The following LEF1 variants were observed in gnomAD, a reference collection of about 807,000 sequenced individuals.
LEF1 encodes lymphoid enhancer binding factor 1, also known as lymphoid enhancer-binding factor 1.
A neutral mutation model predicts 51.2 loss-of-function variants in LEF1; 14 were observed. That is an observed-to-expected ratio of 0.27 (90% CI 0.18 to 0.43). The LOEUF (loss-of-function observed/expected upper bound fraction) is 0.43. Ranked by LOEUF, LEF1 falls within the 20% of genes least tolerant of loss-of-function variation. The pLI is 1.00. For synonymous variants in LEF1, 185 were observed against 183.2 expected, an observed-to-expected ratio of 1.01 and a Z score of -0.08; for missense variants, 386 against 512.0, an observed-to-expected ratio of 0.75 and a Z score of 2.37.
chr4:108,096,583 A>G (rs1418210866), intron 3 of LEF1, among the ~76,000 whole-genome samples: 1 of 152,202 alleles, frequency 6.6e-6, no homozygotes, highest in Non-Finnish European at 1.5e-5. Context: ...AAGCAAATGG[A>G]CAAATGGGAT....
intron 11 of LEF1, among the ~76,000 whole-genome samples, chr4:108,049,223 G>A (rs1247044615): frequency 2.6e-5 from 4 of 152,114 alleles, no homozygotes; most frequent in Admixed American, 6.6e-5. Flanking sequence ...CTCCCGTGAC[G>A]CTATGTGCTC....
At chr4:108,152,126 A>C (rs1744391717) in intron 3 of LEF1, among the ~76,000 whole-genome samples, 1 of 152,184 alleles carries the variant, frequency 6.6e-6, no homozygotes, top group Non-Finnish European at 1.5e-5. Context: ...GAGAGTAGTC[A>C]CTCTTGACTG....
At chr4:108,091,866 G>A (rs1480137496) in intron 3 of LEF1, among the ~76,000 whole-genome samples, 2 of 152,142 alleles carry the variant, frequency 1.3e-5, no homozygotes, top group African/African-American at 4.8e-5. Flanking sequence ...AAAATCGATA[G>A]ATTTCAAATA....
chr4:108,106,416 A>C (rs1741170988), intron 3 of LEF1, among the ~76,000 whole-genome samples: 1 of 152,146 alleles, frequency 6.6e-6, no homozygotes, highest in Non-Finnish European at 1.5e-5. Context: ...GGGAAAGGCC[A>C]GGAGAAAGAG....
At chr4:108,119,549 T>C (rs549528364) in intron 3 of LEF1, among the ~76,000 whole-genome samples, 1 of 152,284 alleles carries the variant, frequency 6.6e-6, no homozygotes, top group African/African-American at 2.4e-5. Context: ...AGTCCCACTG[T>C]AAGGCAAAAG....
At chr4:108,067,480 C>G (rs1006836241) in intron 9 of LEF1, among the ~76,000 whole-genome samples, 3 of 151,772 alleles carry the variant, frequency 2.0e-5, no homozygotes, top group South Asian at 4.1e-4. Flanking sequence ...ATTAGCTCTC[C>G]CCCTTTAGAC....
chr4:108,141,388 G>C (rs1015284813), intron 3 of LEF1, among the ~76,000 whole-genome samples: 1 of 151,590 alleles, frequency 6.6e-6, no homozygotes, highest in South Asian at 2.1e-4. Context: ...CTCCCCCCCC[G>C]CCACATCATT....
At chr4:108,061,588 GA>G (rs1315366627) in intron 11 of LEF1, among the ~76,000 whole-genome samples, 1 of 151,186 alleles carries the variant, frequency 6.6e-6, no homozygotes, top group East Asian at 1.9e-4. Context: ...GGCAGAACAT[GA>G]AAAAACTTTT....
At chr4:108,125,619 T>C (rs534464320) in intron 3 of LEF1, among the ~76,000 whole-genome samples, 2 of 152,206 alleles carry the variant, frequency 1.3e-5, no homozygotes, top group African/African-American at 4.8e-5. Flanking sequence ...TCAGCAGATA[T>C]GTACATATTG....
chr4:108,126,718 T>C (rs554379190), intron 3 of LEF1, among the ~76,000 whole-genome samples: 1 of 150,778 alleles, frequency 6.6e-6, no homozygotes, highest in African/African-American at 2.4e-5. Flanking sequence ...GGCATGAGAA[T>C]TGCTTGAACC....
intron 9 of LEF1, among the ~76,000 whole-genome samples, chr4:108,066,291 T>C (rs1738075612): frequency 1.3e-5 from 2 of 152,204 alleles, no homozygotes; most frequent in South Asian, 4.1e-4. Context: ...CAAGGTTGTT[T>C]CATGTGTCTG....
Position 108,168,752 on chromosome 4 carries a change from C to A in LEF1, c.-985G>T, listed in dbSNP as rs1451100721. On this transcript the variant is annotated 5_prime_UTR_variant, in exon 1 of 12. Coordinates refer to ENST00000265165, the MANE Select transcript of LEF1 (RefSeq NM_016269.5). This position sits in a 1 kb window ranked among gnomAD's most constrained non-coding sequence, Gnocchi z 4.6. Reference sequence around the variant, plus strand: ...CTCTGCACGCCTCCGCCGGCCAGCTCTGTCAAAGCAAAGAGCTGCGCCCCT... The same window carrying A: ...CTCTGCACGCCTCCGCCGGCCAGCTATGTCAAAGCAAAGAGCTGCGCCCCT... 6.6e-6 allele frequency: 1 copy of A among 152,240 alleles called. No homozygotes were observed. Among genetic ancestry groups the A allele is most frequent in the Non-Finnish European group, 1.5e-5 (1 of 68,076 alleles). 9.4% of individuals were successfully genotyped at this position (152,240 alleles called of 1,614,324 possible).
intron 11 of LEF1, among the ~76,000 whole-genome samples, chr4:108,052,673 C>T (rs1737078356): frequency 6.6e-6 from 1 of 152,126 alleles, no homozygotes; most frequent in South Asian, 2.1e-4. Context: ...TTAGCAGAGA[C>T]TTAGGAATAT....
intron 3 of LEF1, among the ~76,000 whole-genome samples, chr4:108,158,837 ACAT>A (rs947693100): frequency 2.0e-5 from 3 of 152,140 alleles, no homozygotes; most frequent in African/African-American, 7.2e-5. Flanking sequence ...CTGTTAAATC[ACAT>A]AAGGGTCTCG....
intron 9 of LEF1, among the ~76,000 whole-genome samples, chr4:108,069,988 A>G (rs1042408867): frequency 6.6e-6 from 1 of 152,054 alleles, no homozygotes; most frequent in African/African-American, 2.4e-5. Context: ...AATAACTTTA[A>G]AACATTTATA....
intron 3 of LEF1, among the ~76,000 whole-genome samples, chr4:108,145,567 A>C (rs1266766878): frequency 1.3e-5 from 2 of 152,298 alleles, no homozygotes; most frequent in East Asian, 3.9e-4. Flanking sequence ...CTTCCTCTCA[A>C]TATGGATTAA....
chr4:108,077,761 C>T (rs1199643881), intron 8 of LEF1, among the ~76,000 whole-genome samples: 2 of 152,260 alleles, frequency 1.3e-5, no homozygotes, highest in Non-Finnish European at 1.5e-5. Flanking sequence ...GGCGCCTCTG[C>T]CCGGCCTCTG....
At chr4:108,094,946 C>T (rs1740284981) in intron 3 of LEF1, among the ~76,000 whole-genome samples, 1 of 152,150 alleles carries the variant, frequency 6.6e-6, no homozygotes, top group African/African-American at 2.4e-5. Context: ...TCAAGCCTTC[C>T]CAGAAAGAGA....
rs182590083 is a variant in LEF1 at position 108,144,205 on chromosome 4, C to A, written c.414+19363G>T. On this transcript the variant is annotated intron_variant, in intron 3 of 11. Transcript: ENST00000265165. ...TTTAAATAACCAGATTCCATGCTTTCCTTTGATAAACCATTCCAATGTTTA... is the reference window on the plus strand; with the variant it reads ...TTTAAATAACCAGATTCCATGCTTTACTTTGATAAACCATTCCAATGTTTA... Among the ~76,000 whole-genome samples, 6 of 152,284 alleles carry A rather than the reference C, an allele frequency of 3.9e-5. No individual in the cohort carries two copies. In the East Asian group the frequency reaches 1.2e-3, roughly 29 times the overall value.
Sources: allele counts gnomAD v4.1 joint callset (sites outside exome capture counted in the v4.1 genomes callset), GRCh38; gene constraint gnomAD v4.1.1; non-coding constraint Gnocchi (gnomAD v3.1); transcripts MANE v1.5; gene names NCBI Gene and HGNC (gene_info 2026-07-23, HGNC 2026-07-21).